The following ADAMTS6 variants were observed in gnomAD, a reference collection of about 807,000 sequenced individuals.
The protein encoded by ADAMTS6 is ADAM metallopeptidase with thrombospondin type 1 motif 6.
In ADAMTS6, 23 loss-of-function variants were observed where a neutral mutation model predicts 144.3. The ratio of observed to expected loss-of-function variants is 0.16; its 90% CI spans 0.11 to 0.23. ADAMTS6 has a LOEUF of 0.23. Among genes scored for constraint, ADAMTS6 ranks in the 10% least tolerant of loss-of-function variants. The pLI, the probability that ADAMTS6 is intolerant of heterozygous loss-of-function variation, is 1.00. For missense variants in ADAMTS6, 999 were observed against 1,379.6 expected (o/e 0.72, Z 4.37); for synonymous variants, 444 against 457.5 (o/e 0.97, Z 0.38).
In ADAMTS6 at chr5:65,329,273, A is replaced by G. The variant is rs185402852; in HGVS notation, c.1223+105T>C. ...TAACATCATCTATTGGAATCAGACA[A>G]AAAGGTAGTAAAATAAGGTTCAGCA... On this transcript the variant is annotated intron_variant, in intron 9 of 24. Coordinates refer to ENST00000381055, the MANE Select transcript of ADAMTS6 (RefSeq NM_197941.4). The G allele has an allele frequency of 1.4e-5, 13 of 948,584 alleles. No homozygotes were observed. In the Admixed American group the frequency reaches 3.5e-4, roughly 25 times the overall value. 58.8% of individuals were successfully genotyped at this position (948,584 alleles called of 1,614,324 possible).
chr5:65,411,358 C>T (rs898430285), intron 7 of ADAMTS6, among the ~76,000 whole-genome samples: 1 of 152,028 alleles, frequency 6.6e-6, no homozygotes, highest in South Asian at 2.1e-4. Flanking sequence ...ATTTGAGGAA[C>T]CTTCATACTG....
At chr5:65,268,313 G>A (rs1761785491) in intron 12 of ADAMTS6, among the ~76,000 whole-genome samples, 1 of 152,164 alleles carries the variant, frequency 6.6e-6, no homozygotes, top group Non-Finnish European at 1.5e-5. Context: ...GTCACCAACA[G>A]GGATTACAAG....
At chr5:65,164,893 TCAAAGAC>T (rs1753059907) in intron 24 of ADAMTS6, among the ~76,000 whole-genome samples, 1 of 121,180 alleles carries the variant, frequency 8.3e-6, no homozygotes, top group Non-Finnish European at 1.7e-5. Flanking sequence ...ATCACCATCA[TCAAAGAC>T]CAAAAGTAGA....
intron 4 of ADAMTS6, among the ~76,000 whole-genome samples, chr5:65,457,615 T>C (rs1759309611): frequency 6.6e-6 from 1 of 152,150 alleles, no homozygotes; most frequent in Admixed American, 6.5e-5. Flanking sequence ...ATAAAATCTT[T>C]AAATATTTTT....
At chr5:65,246,942 G>A (rs1759680846) in intron 14 of ADAMTS6, among the ~76,000 whole-genome samples, 1 of 152,126 alleles carries the variant, frequency 6.6e-6, no homozygotes, top group African/African-American at 2.4e-5. Context: ...ACACATTTTT[G>A]TTTTGTTTAG....
At chr5:65,259,028 T>C (rs535410346) in intron 14 of ADAMTS6, among the ~76,000 whole-genome samples, 36 of 152,112 alleles carry the variant, frequency 2.4e-4, no homozygotes, top group African/African-American at 8.7e-4. Context: ...ACTGACTAAC[T>C]CTTGGGTACT....
intron 24 of ADAMTS6, among the ~76,000 whole-genome samples, chr5:65,163,066 T>C (rs766309123): frequency 6.6e-6 from 1 of 152,072 alleles, no homozygotes; most frequent in African/African-American, 2.4e-5. Flanking sequence ...CATACCACCA[T>C]GCCTAGCTAA....
chr5:65,199,211 G>GAAGGA (rs1755581819), intron 20 of ADAMTS6, among the ~76,000 whole-genome samples: 1 of 150,258 alleles, frequency 6.7e-6, no homozygotes, highest in Non-Finnish European at 1.5e-5. Context: ...TATTTCTCAG[G>GAAGGA]AAGGAATAAA....
chr5:65,323,649 G>A (rs1253247425), intron 9 of ADAMTS6, among the ~76,000 whole-genome samples: 1 of 151,898 alleles, frequency 6.6e-6, no homozygotes, highest in Non-Finnish European at 1.5e-5. Flanking sequence ...GGGATGGCTG[G>A]GTCAAATGGT....
chr5:65,399,970 CATCTGAGAAA>C lies in ADAMTS6; in HGVS notation c.1073+51495_1073+51504del, dbSNP rs571099830. 5.8e-4 allele frequency among the ~76,000 whole-genome samples: 88 copies of C among 152,222 alleles called. No homozygotes were observed. In the South Asian group the frequency reaches 0.018, roughly 31 times the overall value. On this transcript the variant is annotated intron_variant, in intron 7 of 24. Transcript: ENST00000381055. ...GTAATAAAATTTCCCAGTTTTTGTT[CATCTGAGAAA>C]GTCTTTATTTCCCCTTCACTTTTGA...
At chr5:65,158,065 A>T (rs1040089545) in intron 24 of ADAMTS6, among the ~76,000 whole-genome samples, 2 of 152,174 alleles carry the variant, frequency 1.3e-5, no homozygotes, top group African/African-American at 4.8e-5. Context: ...ATCTCAACCC[A>T]AATCCAGGGT....
At chr5:65,259,415 G>A (rs906293688) in intron 14 of ADAMTS6, among the ~76,000 whole-genome samples, 6 of 142,088 alleles carry the variant, frequency 4.2e-5, no homozygotes, top group African/African-American at 1.6e-4. Flanking sequence ...CAAACAAAAA[G>A]AGTAGGAGCC....
chr5:65,376,125 G>C (rs542173940), intron 7 of ADAMTS6, among the ~76,000 whole-genome samples: 1 of 152,074 alleles, frequency 6.6e-6, no homozygotes, highest in Non-Finnish European at 1.5e-5. Context: ...GTGGGGGCAG[G>C]GGGGAGGGAT....
At chr5:65,242,261 G>C in intron 14 of ADAMTS6, 55 bp from the exon 15 acceptor site, 1 of 1,352,218 alleles carries the variant, frequency 7.4e-7, no homozygotes. Context: ...CCAAAAGCAA[G>C]GGACAATGTC....
intron 15 of ADAMTS6, among the ~76,000 whole-genome samples, chr5:65,232,092 C>T (rs897984518): frequency 6.6e-6 from 1 of 152,048 alleles, no homozygotes; most frequent in Admixed American, 6.6e-5. Context: ...GCCTGGATGA[C>T]TAAATGAGAT....
intron 7 of ADAMTS6, among the ~76,000 whole-genome samples, chr5:65,424,529 T>C (rs1756341443): frequency 6.6e-6 from 1 of 152,224 alleles, no homozygotes; most frequent in South Asian, 2.1e-4. Flanking sequence ...ATTGTACCTT[T>C]AAAGGCTAAA....
chr5:65,425,371 T>C lies in ADAMTS6; in HGVS notation c.1073+26104A>G, dbSNP rs536801112. Among the ~76,000 whole-genome samples, 7 of 152,280 alleles carry C rather than the reference T, an allele frequency of 4.6e-5. No individual in the cohort carries two copies. The East Asian group carries it at 1.4e-3, about 29-fold the overall frequency. On this transcript the variant is annotated intron_variant, in intron 7 of 24. Coordinates refer to ENST00000381055, the MANE Select transcript of ADAMTS6 (RefSeq NM_197941.4). ...TTTTGAATGACAGACCTGCATTTTT[T>C]CCTACCTAATGGATTTTTCTATCCT...
intron 7 of ADAMTS6, among the ~76,000 whole-genome samples, chr5:65,403,740 A>C (rs1754154698): frequency 6.6e-6 from 1 of 152,134 alleles, no homozygotes; most frequent in African/African-American, 2.4e-5. Flanking sequence ...AGTTACATGT[A>C]AAATAGCAAT....
At chr5:65,183,651 A>G (rs1027734214) in intron 22 of ADAMTS6, among the ~76,000 whole-genome samples, 6 of 142,062 alleles carry the variant, frequency 4.2e-5, no homozygotes, top group African/African-American at 1.7e-4. Flanking sequence ...AGATAAAAAT[A>G]AAAATAAAAA....
Sources: gnomAD v4.1 joint callset for allele counts (sites outside exome capture counted in the v4.1 genomes callset) on GRCh38, gnomAD v4.1.1 for gene constraint, MANE v1.5 for transcripts, NCBI Gene and HGNC (gene_info 2026-07-23, HGNC 2026-07-21) for gene names.